The following RNPS1 variants were observed in gnomAD, a reference collection of about 807,000 sequenced individuals.
The protein encoded by RNPS1 is RNA-binding protein with serine-rich domain 1.
For synonymous variants in RNPS1, 147 were observed against 150.0 expected (o/e 0.98, Z 0.15); for missense variants, 300 against 427.6 (o/e 0.70, Z 2.63).
At chr16:2,267,233 G>A (rs2093628550) in intron 1 of RNPS1, 1 of 985,326 alleles carries the variant, frequency 1.0e-6, no homozygotes, top group African/African-American at 1.7e-5. Flanking sequence ...GGAAAGGTGC[G>A]CGTCCAACAG....
chr16:2,268,072 ACCT>A lies in RNPS1; in HGVS notation c.-138_-136del, dbSNP rs1487657060. ...CAACTTACATCTTCCCGCCGCCGCC[ACCT>A]CCTCCTGCTTTCCTCAGCCGCCGAG... On this transcript the variant is annotated 5_prime_UTR_variant, in exon 1 of 8. Coordinates refer to ENST00000320225, the MANE Select transcript of RNPS1 (RefSeq NM_080594.4). 19 of 1,534,628 alleles carry A rather than the reference ACCT, an allele frequency of 1.2e-5. No homozygotes were observed. The highest frequency in any genetic ancestry group is 2.0e-5 in the Admixed American group (1 of 50,956).
chr16:2,262,452 C>G (rs155248), intron 5 of RNPS1, 21 bp from the exon 6 acceptor site: 4 of 1,613,310 alleles, frequency 2.5e-6, no homozygotes, highest in Middle Eastern at 1.6e-4. Context: ...AGAAGGGTCA[C>G]GCCAACGCCC....
At chr16:2,266,990 G>A in intron 1 of RNPS1, 1 of 250,430 alleles carries the variant, frequency 4.0e-6, no homozygotes, top group Non-Finnish European at 6.3e-6. Context: ...ACCTAGAGTG[G>A]AGGTCACACC....
At chr16:2,260,906 G>A (rs907015902) in intron 6 of RNPS1, among the ~76,000 whole-genome samples, 3 of 152,112 alleles carry the variant, frequency 2.0e-5, no homozygotes, top group Non-Finnish European at 4.4e-5. Context: ...CGAGGCAGGC[G>A]GATCACAAGG....
At chr16:2,254,460 AT>A (rs376133896) in intron 7 of RNPS1, among the ~76,000 whole-genome samples, 1 of 151,848 alleles carries the variant, frequency 6.6e-6, no homozygotes, top group African/African-American at 2.4e-5. Flanking sequence ...CGCACAGCTA[AT>A]TTTGTTTTGT....
chr16:2,255,839 G>T, intron 6 of RNPS1, 113 bp from the exon 7 acceptor site: 1 of 1,227,766 alleles, frequency 8.1e-7, no homozygotes, highest in Non-Finnish European at 1.2e-6. Context: ...GATAATCACA[G>T]AAACAGGGCC....
chr16:2,263,370 C>T, intron 3 of RNPS1, 83 bp from the exon 4 acceptor site: 2 of 1,376,600 alleles, frequency 1.5e-6, no homozygotes, highest in South Asian at 1.3e-5. Context: ...TGTGCTCCCC[C>T]CAGGAGAAAC....
In RNPS1 at chr16:2,263,177, C is replaced by A. The variant is rs1454176424; in HGVS notation, c.338G>T (p.Arg113Leu). 1.9e-6 allele frequency: 3 copies of A among 1,613,852 alleles called. No individual in the cohort carries two copies. Among genetic ancestry groups the A allele is most frequent in the Non-Finnish European group, 2.5e-6 (3 of 1,179,918 alleles). ...AGAAGAGCTGCTAGAGCTGGAGCTG[C>A]GGGAGGTGCTGGAGCTTCCTGAGCG... ...SSRSGSSSTS[R>L]SSSSSSSSGS... is the part of the protein sequence containing the mutation. The change falls in exon 4 of 8, where the codon CGC (arginine) becomes CTC (leucine). Residue 113 changes from arginine (R) to leucine (L), a missense_variant. By Grantham distance (102) the Arg-to-Leu change is moderately radical (BLOSUM62 -2). Coordinates refer to ENST00000320225, the MANE Select transcript of RNPS1 (RefSeq NM_080594.4).
Position 2,264,263 on chromosome 16 carries a change from C to T in RNPS1, c.140G>A (p.Gly47Glu). The T allele has an allele frequency of 6.2e-7, 1 of 1,614,112 alleles. No individual in the cohort carries two copies. The highest frequency in any genetic ancestry group is 8.5e-7 in the Non-Finnish European group (1 of 1,180,034). ...CTTCTCACTCGACTCCTTGGTGGCC[C>T]CTTTATCTTTTGAGCGATCCTTGGA... ...EKSKDRSKDK[G>E]ATKESSEKDR... Residue 47 changes from glycine (G) to glutamate (E), a missense_variant, in exon 3 of 8, where the codon GGG (glycine) becomes GAG (glutamate). Coordinates refer to ENST00000320225, the MANE Select transcript of RNPS1 (RefSeq NM_080594.4).
At chr16:2,259,485 G>T (rs2141558537) in intron 6 of RNPS1, among the ~76,000 whole-genome samples, 1 of 152,284 alleles carries the variant, frequency 6.6e-6, no homozygotes. Context: ...TTTTTAGAAG[G>T]TGGTTTTATA....
chr16:2,255,629 T>G lies in RNPS1; in HGVS notation c.774A>C (p.Pro258=), dbSNP rs763900628. 767 of 1,608,788 alleles carry G rather than the reference T, an allele frequency of 4.8e-4. 2 individuals are homozygous for G. Among genetic ancestry groups the G allele is most frequent in the Admixed American group, 6.4e-4 (38 of 59,078 alleles). The part of the protein sequence containing the change: ...RRFSPPRRML[P]PPPMWRRSPP... ...GAGACCTGCGCCACATAGGCGGTGG[T>G]GGCAACATTCTCCTGGGAGGGCTGA... The change falls in exon 7 of 8, where the codon CCA becomes CCC. Residue 258 remains proline, a synonymous_variant. Coordinates refer to ENST00000320225, the MANE Select transcript of RNPS1 (RefSeq NM_080594.4).
intron 1 of RNPS1, chr16:2,265,367 A>C (rs914050090): frequency 1.3e-5 from 2 of 152,348 alleles, no homozygotes; most frequent in African/African-American, 4.8e-5. Flanking sequence ...TATTGAGTGC[A>C]GGGGAAGACA....
intron 5 of RNPS1, 105 bp downstream of exon 5, chr16:2,262,635 T>C: frequency 9.1e-7 from 1 of 1,094,404 alleles, no homozygotes; most frequent in Non-Finnish European, 1.4e-6. Flanking sequence ...TCAAACCACA[T>C]GCCACCACCC....
intron 1 of RNPS1, chr16:2,266,181 G>T: frequency 1.0e-6 from 1 of 985,448 alleles, no homozygotes; most frequent in Non-Finnish European, 1.2e-6. Context: ...TGCAGTGCAC[G>T]CCAGGGGTGC....
intron 4 of RNPS1, 127 bp from the exon 5 acceptor site, chr16:2,262,969 T>C: frequency 3.8e-6 from 5 of 1,311,468 alleles, no homozygotes; most frequent in Non-Finnish European, 5.4e-6. Flanking sequence ...CTAGTTCACA[T>C]ACATTATTCC....
Position 2,264,186 on chromosome 16 carries a change from T to G in RNPS1, c.217A>C (p.Ser73Arg), listed in dbSNP as rs753367042. 6.2e-7 allele frequency: 1 copy of G among 1,613,100 alleles called. No individual in the cohort carries two copies. Among genetic ancestry groups the G allele is most frequent in the Admixed American group, 1.7e-5 (1 of 60,018 alleles). ...RKRRSASSGSSSTRSRSSSTS... is the reference protein window; with the variant it reads ...RKRRSASSGSRSTRSRSSSTS... Reference sequence around the variant, plus strand: ...GCCAGCCCGCCCCACCTGGTACTGCTGCTACCACTGGAAGCGCTGCGCCTC... The same window carrying G: ...GCCAGCCCGCCCCACCTGGTACTGCGGCTACCACTGGAAGCGCTGCGCCTC... The change falls in exon 3 of 8, where the codon AGC becomes CGC. Residue 73 changes from serine to arginine, a missense_variant. By Grantham distance (110) the Ser-to-Arg change is moderately radical. Coordinates refer to ENST00000320225, the MANE Select transcript of RNPS1 (RefSeq NM_080594.4).
intron 6 of RNPS1, chr16:2,258,319 A>T (rs1420927507): frequency 6.6e-6 from 1 of 152,250 alleles, no homozygotes; most frequent in African/African-American, 2.4e-5. Flanking sequence ...TAAAATGTTA[A>T]TCTACGCATA....
chr16:2,264,077 TTTTC>T, intron 3 of RNPS1, 95 bp downstream of exon 3: 2 of 1,434,134 alleles, frequency 1.4e-6, no homozygotes, highest in Non-Finnish European at 1.9e-6. Context: ...AGAGGATGTG[TTTTC>T]TTTGTAAATA....
At chr16:2,266,270 A>G in intron 1 of RNPS1, 1 of 985,462 alleles carries the variant, frequency 1.0e-6, no homozygotes, top group Non-Finnish European at 1.2e-6. Context: ...AGAGCCAAGG[A>G]GGGCCGAACG....
Sources: allele counts gnomAD v4.1 joint callset (sites outside exome capture counted in the v4.1 genomes callset), GRCh38; gene constraint gnomAD v4.1.1; transcripts MANE v1.5; gene names NCBI Gene and HGNC (gene_info 2026-07-23, HGNC 2026-07-21).